The following CNTN6 variants were observed in gnomAD, a reference collection of about 807,000 sequenced individuals.
The protein encoded by CNTN6 is contactin 6.
A neutral mutation model predicts 122.8 loss-of-function variants in CNTN6; 137 were observed. The ratio of observed to expected loss-of-function variants is 1.12; its 90% CI spans 0.97 to 1.29. CNTN6 has a LOEUF of 1.29. CNTN6 is among the 50% of genes most tolerant of loss of function. The pLI is 0.00. For missense variants in CNTN6, 1,634 were observed against 1,223.4 expected (o/e 1.34, Z -5.01); for synonymous variants, 570 against 426.0 (o/e 1.34, Z -4.16).
intron 1 of CNTN6, among the ~76,000 whole-genome samples, chr3:1,126,871 T>A (rs1421568170): frequency 6.6e-6 from 1 of 151,824 alleles, no homozygotes; most frequent in East Asian, 1.9e-4. Context: ...AAGAAAGTCA[T>A]CTGGAGAGTT....
chr3:1,167,985 C>T (rs2093288981), intron 2 of CNTN6, among the ~76,000 whole-genome samples: 1 of 152,162 alleles, frequency 6.6e-6, no homozygotes, highest in African/African-American at 2.4e-5. Context: ...AATCTCACTG[C>T]AACCTCCGCC....
At position 1,156,729 on chromosome 3, in the gene CNTN6, CT is replaced by C. The variant is rs2092977535; in HGVS notation, c.55+8673del. On this transcript the variant is annotated intron_variant, in intron 2 of 22. Transcript: ENST00000446702. The stretch of plus-strand genomic sequence containing the variant: ...CCTTCCTTCTTCTTTCTTTTTCTTT[CT>C]TTTTTTCCAGTCTCGCTCTGTTGCC... Among the ~76,000 whole-genome samples the C allele has an allele frequency of 2.9e-5, 4 of 139,598 alleles. 1 individual carries two copies. The highest frequency in any genetic ancestry group is 1.1e-4 in the African/African-American group (4 of 37,558). 91.6% of individuals were successfully genotyped at this position (139,598 alleles called of 152,430 possible).
At chr3:1,184,224 G>A (rs535194260) in intron 2 of CNTN6, among the ~76,000 whole-genome samples, 4 of 152,272 alleles carry the variant, frequency 2.6e-5, no homozygotes, top group South Asian at 4.1e-4. Context: ...TGAATGCCAC[G>A]AGGCTGGATC....
At chr3:1,268,329 T>C (rs9858173) in intron 4 of CNTN6, among the ~76,000 whole-genome samples, 13,783 of 152,122 alleles carry the variant, frequency 0.091, 753 homozygotes, top group African/African-American at 0.16. Flanking sequence ...GAGAGTGGGC[T>C]GGGCGCGGTG....
At position 1,120,944 on chromosome 3, in the gene CNTN6, T is replaced by C. The variant is rs932311750; in HGVS notation, c.-82-26983T>C. Among the ~76,000 whole-genome samples, 3 of 145,716 alleles carry C rather than the reference T, an allele frequency of 2.1e-5. No homozygotes were observed. In the Admixed American group the frequency reaches 2.1e-4, roughly 10 times the overall value. On this transcript the variant is annotated intron_variant, in intron 1 of 22. Coordinates refer to ENST00000446702, the MANE Select transcript of CNTN6 (RefSeq NM_001289080.2). ...AGCTTTTATCTAATGGTAGAGTACA[T>C]AAAGTCTTCTAAAGTTTGTTTGGAG...
chr3:1,187,815 C>T (rs186516923), intron 2 of CNTN6, among the ~76,000 whole-genome samples: 3 of 152,318 alleles, frequency 2.0e-5, no homozygotes, highest in Non-Finnish European at 4.4e-5. Context: ...CTCCTGGGCA[C>T]ATGGATGGCA....
chr3:1,385,468 AT>A, intron 19 of CNTN6, 142 bp from the exon 20 acceptor site: 1 of 577,588 alleles, frequency 1.7e-6, no homozygotes, highest in Non-Finnish European at 2.9e-6. Context: ...TTGTATAACC[AT>A]TTTAATTAGA....
At chr3:1,186,694 G>A (rs960108137) in intron 2 of CNTN6, among the ~76,000 whole-genome samples, 4 of 152,126 alleles carry the variant, frequency 2.6e-5, no homozygotes, top group Non-Finnish European at 5.9e-5. Flanking sequence ...GGGGAGGAGC[G>A]CTGCTTGGTC....
intron 20 of CNTN6, among the ~76,000 whole-genome samples, chr3:1,395,812 A>T (rs1251640631): frequency 6.6e-6 from 1 of 152,202 alleles, no homozygotes; most frequent in Non-Finnish European, 1.5e-5. Flanking sequence ...TAACTTTATC[A>T]TACTAAATCT....
chr3:1,241,949 C>G (rs1181587453), intron 4 of CNTN6, among the ~76,000 whole-genome samples: 1 of 152,192 alleles, frequency 6.6e-6, no homozygotes, highest in Non-Finnish European at 1.5e-5. Flanking sequence ...GACAGAAAGG[C>G]TACAGGGTGT....
chr3:1,307,840 A>G (rs1485420633), intron 7 of CNTN6, among the ~76,000 whole-genome samples: 2 of 152,132 alleles, frequency 1.3e-5, no homozygotes, highest in Non-Finnish European at 2.9e-5. Context: ...AAGGTAAGGA[A>G]CAATTTTCAT....
At chr3:1,103,052 G>T (rs1295408269) in intron 1 of CNTN6, among the ~76,000 whole-genome samples, 3 of 151,662 alleles carry the variant, frequency 2.0e-5, no homozygotes, top group Admixed American at 6.6e-5. Context: ...CTTGCAGTGA[G>T]CCAAGATGGC....
chr3:1,120,082 GTAT>G (rs2091892753), intron 1 of CNTN6, among the ~76,000 whole-genome samples: 1 of 151,662 alleles, frequency 6.6e-6, no homozygotes, highest in African/African-American at 2.4e-5. Context: ...TTGCTGAGTA[GTAT>G]TCCATATGCC....
intron 20 of CNTN6, among the ~76,000 whole-genome samples, chr3:1,389,956 T>TA (rs566884878): frequency 2.4e-4 from 36 of 150,450 alleles, no homozygotes; most frequent in African/African-American, 8.1e-4. Context: ...CACACATTAA[T>TA]AATGGGAGAC....
At chr3:1,374,961 T>C (rs1306694711) in intron 16 of CNTN6, among the ~76,000 whole-genome samples, 2 of 152,092 alleles carry the variant, frequency 1.3e-5, no homozygotes, top group African/African-American at 4.8e-5. Context: ...GAAATCCCTT[T>C]GTTTTACAGA....
rs1021963465 is a variant in CNTN6, at chr3:1,263,515, T to A, written c.359-14898T>A. ...GTTCATTCGGGGCCGTTTTGCAGCC[T>A]AGCTACCACATGTTTCCAGGTCGAT... On this transcript the variant is annotated intron_variant, in intron 4 of 22. Transcript: ENST00000446702. 2.0e-5 allele frequency among the ~76,000 whole-genome samples: 3 copies of A among 152,152 alleles called. No individual in the cohort carries two copies. In the East Asian group the frequency reaches 5.8e-4, roughly 29 times the overall value.
intron 22 of CNTN6, among the ~76,000 whole-genome samples, chr3:1,402,977 G>C (rs1291709014): frequency 6.6e-6 from 1 of 152,012 alleles, no homozygotes; most frequent in East Asian, 1.9e-4. Flanking sequence ...AGAGTTAGCA[G>C]GCAATAATAA....
intron 7 of CNTN6, among the ~76,000 whole-genome samples, chr3:1,320,254 TGAATC>T (rs1700664847): frequency 6.6e-6 from 1 of 151,748 alleles, no homozygotes; most frequent in African/African-American, 2.4e-5. Flanking sequence ...TGAGAATAAT[TGAATC>T]AAACATTGAT....
chr3:1,293,995 T>C (rs369432979), intron 5 of CNTN6, among the ~76,000 whole-genome samples: 13 of 152,182 alleles, frequency 8.5e-5, no homozygotes, highest in African/African-American at 3.1e-4. Context: ...ACTGGAACTC[T>C]CAAATATTGC....
Sources: gnomAD v4.1 joint callset for allele counts (sites outside exome capture counted in the v4.1 genomes callset) on GRCh38, gnomAD v4.1.1 for gene constraint, MANE v1.5 for transcripts, NCBI Gene and HGNC (gene_info 2026-07-23, HGNC 2026-07-21) for gene names.